Variants in BAZ1B observed in about 807,000 individuals in gnomAD.
BAZ1B encodes the protein bromodomain adjacent to zinc finger domain 1B.
A neutral mutation model predicts 153.8 loss-of-function variants in BAZ1B; 22 were observed. The ratio of observed to expected loss-of-function variants is 0.14; its 90% confidence interval spans 0.10 to 0.20. The LOEUF (loss-of-function observed/expected upper bound fraction) is 0.20, where lower values mean the gene tolerates loss of function less well. Among genes scored for constraint, BAZ1B ranks in the 10% least tolerant of loss-of-function variants. BAZ1B has a pLI of 1.00. For synonymous variants in BAZ1B, 676 were observed against 633.4 expected (o/e 1.07, Z -1.01); for missense variants, 1,325 against 1,799.3 (o/e 0.74, Z 4.77).
At chr7:73,494,307 C>A (rs944935425) in intron 4 of BAZ1B, among the ~76,000 whole-genome samples, 1 of 151,968 alleles carries the variant, frequency 6.6e-6, no homozygotes, top group African/African-American at 2.4e-5. Context: ...TGCTTGAACC[C>A]GGGAGGTGGA....
chr7:73,467,334 T>C (rs540608821), intron 9 of BAZ1B, among the ~76,000 whole-genome samples: 1 of 152,248 alleles, frequency 6.6e-6, no homozygotes, highest in Non-Finnish European at 1.5e-5. Context: ...TACTAACACA[T>C]AACTTTGTTT....
chr7:73,518,170 G>C (rs1287151671), intron 1 of BAZ1B, among the ~76,000 whole-genome samples: 1 of 151,928 alleles, frequency 6.6e-6, no homozygotes, highest in Non-Finnish European at 1.5e-5. Flanking sequence ...GGGAGGCCGA[G>C]GCGGGCGGAT....
chr7:73,518,015 TTC>T (rs1258519401), intron 1 of BAZ1B, among the ~76,000 whole-genome samples: 3 of 152,216 alleles, frequency 2.0e-5, no homozygotes, highest in South Asian at 4.1e-4. Context: ...TTACTCGATA[TTC>T]TCTCTTACTC....
rs188304385 is a variant in BAZ1B at position 73,461,837 on chromosome 7, C to T, written c.3249+1085G>A. Among the ~76,000 whole-genome samples, 507 of 152,294 alleles carry T rather than the reference C, an allele frequency of 3.3e-3. 2 individuals carry two copies. Among genetic ancestry groups the T allele is most frequent in the Middle Eastern group, 6.8e-3 (2 of 294 alleles). On this transcript the variant is annotated intron_variant, in intron 12 of 19. Transcript: ENST00000339594. ...GGGTGAGGTGGCTCATGCCTATAAT[C>T]CTAGCATTTTGAGAGGCTGAGGTAG...
rs925030303 is a variant in BAZ1B, at chr7:73,450,647, A to T, written c.3580+200T>A. ...TCAATTGCTTTTATGTTATGCTCTAAACCGAGGAACAAAGGGCCTGCTCTG... is the reference window on the plus strand; with the variant it reads ...TCAATTGCTTTTATGTTATGCTCTATACCGAGGAACAAAGGGCCTGCTCTG... On this transcript the variant is annotated intron_variant, in intron 14 of 19. Transcript: ENST00000339594. The surrounding 1 kb of genome is among the most constrained non-coding windows in gnomAD (Gnocchi z 4.1). Among the ~76,000 whole-genome samples, 1 of 152,178 alleles carries T rather than the reference A, an allele frequency of 6.6e-6. No individual in the cohort carries two copies. Among genetic ancestry groups the T allele is most frequent in the Non-Finnish European group, 1.5e-5 (1 of 68,040 alleles).
intron 1 of BAZ1B, among the ~76,000 whole-genome samples, chr7:73,512,516 T>C (rs1554578735): frequency 6.6e-6 from 1 of 152,164 alleles, no homozygotes; most frequent in African/African-American, 2.4e-5. Flanking sequence ...AGAAGATCAT[T>C]TACTAGCCGT....
At chr7:73,457,032 T>G (rs1236440860) in intron 13 of BAZ1B, among the ~76,000 whole-genome samples, 2 of 141,056 alleles carry the variant, frequency 1.4e-5, no homozygotes, top group Non-Finnish European at 3.0e-5. Context: ...GGAGAGAATG[T>G]AAAATTGTAC....
intron 13 of BAZ1B, among the ~76,000 whole-genome samples, chr7:73,453,521 A>G (rs1328503725): frequency 6.6e-6 from 1 of 152,276 alleles, no homozygotes; most frequent in Non-Finnish European, 1.5e-5. Flanking sequence ...TGGACAGATC[A>G]CATCAAGAAA....
chr7:73,442,607 GCCACT>G, intron 18 of BAZ1B, 54 bp from the exon 19 acceptor site: 2 of 1,562,154 alleles, frequency 1.3e-6, no homozygotes, highest in Non-Finnish European at 1.7e-6. Context: ...CAGTGCCCCT[GCCACT>G]GAGACACGTC....
intron 17 of BAZ1B, among the ~76,000 whole-genome samples, chr7:73,443,108 G>A (rs1459758624): frequency 6.6e-6 from 1 of 152,214 alleles, no homozygotes; most frequent in East Asian, 1.9e-4. Context: ...TCCTGCTGGA[G>A]GTCGGCTGAA....
chr7:73,460,188 CA>C (rs1215350597), intron 12 of BAZ1B, among the ~76,000 whole-genome samples: 2 of 116,038 alleles, frequency 1.7e-5, no homozygotes, highest in Non-Finnish European at 3.4e-5. Context: ...GACTCCGTCT[CA>C]GGGAAAAAAA....
intron 1 of BAZ1B, among the ~76,000 whole-genome samples, chr7:73,511,426 G>C (rs1377699914): frequency 6.6e-6 from 1 of 151,694 alleles, no homozygotes; most frequent in Non-Finnish European, 1.5e-5. Context: ...CATTTTGAGA[G>C]GCCACGGCAG....
At chr7:73,459,402 A>G in intron 13 of BAZ1B, 134 bp downstream of exon 13, 2 of 857,620 alleles carry the variant, frequency 2.3e-6, no homozygotes, top group South Asian at 1.9e-5. Flanking sequence ...AAAAAAAAAA[A>G]ACACACACAC....
rs1454966021 is a variant in BAZ1B, at chr7:73,483,625, T to C, written c.892-5056A>G. On this transcript the variant is annotated intron_variant, in intron 6 of 19. Transcript: ENST00000339594. The stretch of plus-strand genomic sequence containing the variant: ...TTTAAAGTACTTCTGTTCTAACCCC[T>C]AACTCACAAACTTTTTTTTTTCCTC... Among the ~76,000 whole-genome samples the C allele has an allele frequency of 2.0e-5, 3 of 152,122 alleles. No homozygotes were observed. In the East Asian group the frequency reaches 5.8e-4, roughly 29 times the overall value.
At chr7:73,489,155 T>C (rs1789535262) in intron 6 of BAZ1B, 39 bp downstream of exon 6, 9 of 1,576,166 alleles carry the variant, frequency 5.7e-6, no homozygotes, top group Non-Finnish European at 7.8e-6. Flanking sequence ...GAAATAATGA[T>C]GCTTTATCCT....
intron 12 of BAZ1B, among the ~76,000 whole-genome samples, chr7:73,460,561 T>G (rs1283093382): frequency 6.6e-6 from 1 of 152,190 alleles, no homozygotes; most frequent in Non-Finnish European, 1.5e-5. Flanking sequence ...CACAACTCAC[T>G]GCAGCCTTGA....
chr7:73,464,176 T>C, intron 11 of BAZ1B: 1 of 984,940 alleles, frequency 1.0e-6, no homozygotes, highest in Non-Finnish European at 1.2e-6. Flanking sequence ...AATCATATTT[T>C]CCTTCTCTCT....
Position 73,489,404 on chromosome 7 carries a change from G to C in BAZ1B, c.694-13C>G, listed in dbSNP as rs1435191513. 2.5e-6 allele frequency: 4 copies of C among 1,613,688 alleles called. No individual in the cohort carries two copies. The African/African-American group carries it at 5.3e-5, about 22-fold the overall frequency. ...CGTTACTGATGATCTAGGTTAAAAA[G>C]AAACAAATAACTCACCACTGGGGTA... On this transcript the variant is annotated splice_polypyrimidine_tract_variant and intron_variant, in intron 5 of 19. Transcript: ENST00000339594.
intron 13 of BAZ1B, among the ~76,000 whole-genome samples, chr7:73,454,255 G>A (rs1040373936): frequency 3.3e-5 from 5 of 152,170 alleles, no homozygotes; most frequent in African/African-American, 9.7e-5. Flanking sequence ...CCTGGAGTCT[G>A]AGGCTGCAGA....
Sources: allele counts gnomAD v4.1 joint callset (sites outside exome capture counted in the v4.1 genomes callset), GRCh38; gene constraint gnomAD v4.1.1; non-coding constraint Gnocchi (gnomAD v3.1); transcripts MANE v1.5; gene names NCBI Gene and HGNC (gene_info 2026-07-23, HGNC 2026-07-21).